The following RGS8 variants were observed in gnomAD, a reference collection of about 807,000 sequenced individuals.
The protein encoded by RGS8 is regulator of G-protein signaling 8.
In RGS8, 8 loss-of-function variants were observed where a neutral mutation model predicts 21.7. The observed-to-expected ratio is 0.37, with a 90% confidence interval of 0.22 to 0.66. RGS8 has a LOEUF of 0.66. RGS8 is among the 30% of genes least tolerant of loss of function. The probability of loss-of-function intolerance (pLI) is 0.59; values close to 1 mark genes in which losing one functional copy is unlikely to be tolerated. For synonymous variants in RGS8, 80 were observed against 83.6 expected (o/e 0.96, Z 0.24); for missense variants, 157 against 217.9 (o/e 0.72, Z 1.76).
the RGS8 span, among the ~76,000 whole-genome samples, chr1:182,714,095 C>T: frequency 5.9e-5 from 9 of 152,214 alleles, no homozygotes; most frequent in Admixed American, 2.0e-4. Flanking sequence ...TTTCCTCCCC[C>T]TCATGCCCCC....
chr1:182,674,414 A>C (rs1261275325), upstream of RGS8, among the ~76,000 whole-genome samples: 1 of 152,232 alleles, frequency 6.6e-6, no homozygotes, highest in African/African-American at 2.4e-5. Context: ...GAGGGACAAA[A>C]GTGTGTGGAC....
chr1:182,679,182 G>T lies in RGS8; in HGVS notation n.221+5174C>A, dbSNP rs548828186. Among the ~76,000 whole-genome samples the T allele has an allele frequency of 3.3e-5, 5 of 152,040 alleles. No individual in the cohort carries two copies. In the East Asian group the frequency reaches 9.6e-4, roughly 29 times the overall value. ...AAAATTCCCCTTGGGAAACACCCTTGGGTGTTTCTCCTTTTATCAGCAAAA... is the reference window on the plus strand; with the variant it reads ...AAAATTCCCCTTGGGAAACACCCTTTGGTGTTTCTCCTTTTATCAGCAAAA... On this transcript the variant is annotated intron_variant and non_coding_transcript_variant, in intron 1 of 4. Transcript: ENST00000515211.
chr1:182,643,336 C>CCCCCCCCCCCCG (rs1453175422), downstream of RGS8: 1 of 136,082 alleles, frequency 7.3e-6, no homozygotes, highest in African/African-American at 3.0e-5. Context: ...CCCCCGCCCC[C>CCCCCCCCCCCCG]GCGCTGTGTT....
the RGS8 span, among the ~76,000 whole-genome samples, chr1:182,704,483 C>G: frequency 6.6e-6 from 1 of 152,228 alleles, no homozygotes; most frequent in African/African-American, 2.4e-5. Context: ...TTTCAGTCCT[C>G]CACAGAAGAA....
chr1:182,721,599 C>T, the RGS8 span, among the ~76,000 whole-genome samples: 2 of 152,052 alleles, frequency 1.3e-5, no homozygotes, highest in Admixed American at 6.6e-5. Flanking sequence ...GTAAGTGGAG[C>T]CAGGGATATT....
At chr1:182,731,102 T>G in the RGS8 span, among the ~76,000 whole-genome samples, 1 of 152,176 alleles carries the variant, frequency 6.6e-6, no homozygotes, top group Non-Finnish European at 1.5e-5. Flanking sequence ...CTAAAAACTC[T>G]CAGGATCTTT....
intron 5 of RGS8, among the ~76,000 whole-genome samples, chr1:182,649,711 A>G (rs1662903703): frequency 6.6e-6 from 1 of 152,136 alleles, no homozygotes; most frequent in African/African-American, 2.4e-5. Flanking sequence ...ATTTAAAAAT[A>G]TTTTTTATTA....
upstream of RGS8, among the ~76,000 whole-genome samples, chr1:182,688,631 T>A (rs1390437971): frequency 6.6e-6 from 1 of 152,010 alleles, no homozygotes; most frequent in Non-Finnish European, 1.5e-5. Flanking sequence ...ATCATATGAG[T>A]CCTTAAAAGT....
chr1:182,694,059 C>G, the RGS8 span, among the ~76,000 whole-genome samples: 1 of 151,926 alleles, frequency 6.6e-6, no homozygotes, highest in South Asian at 2.1e-4. Flanking sequence ...AACCTGTACA[C>G]CAAACCCCCA....
chr1:182,658,652 T>C (rs902570005), intron 5 of RGS8: 5 of 152,234 alleles, frequency 3.3e-5, no homozygotes, highest in Admixed American at 3.3e-4. Flanking sequence ...ATCACAGCTC[T>C]TCTTTTGTGA....
At chr1:182,741,899 C>T in the RGS8 span, among the ~76,000 whole-genome samples, 1 of 143,886 alleles carries the variant, frequency 6.9e-6, no homozygotes, top group African/African-American at 2.6e-5. Context: ...CCACCTCCCT[C>T]CCGGAGGAGG....
At chr1:182,656,844 G>C (rs1021088977) in intron 5 of RGS8, among the ~76,000 whole-genome samples, 2 of 152,166 alleles carry the variant, frequency 1.3e-5, no homozygotes, top group African/African-American at 4.8e-5. Context: ...GATCACAAAG[G>C]CTTGTGCAGA....
chr1:182,675,203 A>G (rs1000204240), upstream of RGS8, among the ~76,000 whole-genome samples: 1 of 152,094 alleles, frequency 6.6e-6, no homozygotes, highest in Non-Finnish European at 1.5e-5. Flanking sequence ...CCCACAAGGG[A>G]CCCTAAGCCT....
intron 5 of RGS8, among the ~76,000 whole-genome samples, chr1:182,649,512 A>G (rs1369521638): frequency 6.6e-6 from 1 of 152,194 alleles, no homozygotes; most frequent in Non-Finnish European, 1.5e-5. Context: ...TTATGTTTTA[A>G]TTAAGATTGA....
the RGS8 span, among the ~76,000 whole-genome samples, chr1:182,733,630 G>A: frequency 3.3e-5 from 5 of 152,182 alleles, no homozygotes; most frequent in African/African-American, 1.2e-4. Flanking sequence ...ACAGCCTGAG[G>A]ATTGAGGAAG....
At chr1:182,720,489 A>G in the RGS8 span, among the ~76,000 whole-genome samples, 5 of 152,272 alleles carry the variant, frequency 3.3e-5, no homozygotes, top group East Asian at 9.6e-4. Flanking sequence ...CTCTGCTCAA[A>G]ATCATCCATT....
chr1:182,689,240 C>T (rs551923755), upstream of RGS8, among the ~76,000 whole-genome samples: 268 of 150,578 alleles, frequency 1.8e-3, no homozygotes, highest in Non-Finnish European at 3.0e-3. Context: ...CTCTCTCTCT[C>T]GTGCACGCGC....
the RGS8 span, among the ~76,000 whole-genome samples, chr1:182,726,072 T>C: frequency 6.6e-6 from 1 of 152,124 alleles, no homozygotes; most frequent in African/African-American, 2.4e-5. Flanking sequence ...CCAGTACTTC[T>C]ACTCAGTGGC....
At chr1:182,698,226 G>C in the RGS8 span, among the ~76,000 whole-genome samples, 5 of 152,182 alleles carry the variant, frequency 3.3e-5, no homozygotes, top group Non-Finnish European at 7.4e-5. Flanking sequence ...TGGTCTTTCT[G>C]TAAGGAGCTG....
Sources: gnomAD v4.1 joint callset for allele counts (sites outside exome capture counted in the v4.1 genomes callset) on GRCh38, gnomAD v4.1.1 for gene constraint, MANE v1.5 for transcripts, NCBI Gene and HGNC (gene_info 2026-07-23, HGNC 2026-07-21) for gene names.